HIPK2: variants seen among roughly 807,000 people sequenced by gnomAD.
The protein encoded by HIPK2 is homeodomain-interacting protein kinase 2.
HIPK2 carries 27 observed loss-of-function variants against 113.7 expected under a neutral mutation model. That is an observed-to-expected ratio of 0.24 (90% confidence interval 0.17 to 0.33). The LOEUF (loss-of-function observed/expected upper bound fraction) is 0.33, where lower values mean the gene tolerates loss of function less well. HIPK2 is among the 10% of genes least tolerant of loss of function. The pLI, the probability that HIPK2 is intolerant of heterozygous loss-of-function variation, is 1.00. For synonymous variants in HIPK2, 631 were observed against 642.2 expected, an observed-to-expected ratio of 0.98 and a Z score of 0.26; for missense variants, 1,257 against 1,588.0, an observed-to-expected ratio of 0.79 and a Z score of 3.54.
At chr7:139,600,368 C>A in intron 11 of HIPK2, 49 bp downstream of exon 11, 1 of 1,584,768 alleles carries the variant, frequency 6.3e-7, no homozygotes, top group Non-Finnish European at 8.6e-7. Flanking sequence ...TTCTTTAGCA[C>A]TCACATCCCC....
chr7:139,690,828 T>C (rs969216893), intron 2 of HIPK2, among the ~76,000 whole-genome samples: 3 of 152,180 alleles, frequency 2.0e-5, no homozygotes, highest in Non-Finnish European at 4.4e-5. Context: ...ATGACCAATC[T>C]TGAACTTTTG....
intron 2 of HIPK2, among the ~76,000 whole-genome samples, chr7:139,695,485 T>C (rs1034757892): frequency 1.8e-4 from 28 of 152,162 alleles, no homozygotes; most frequent in South Asian, 4.1e-4. Flanking sequence ...CAATGCTACA[T>C]GGGAAGGAAA....
intron 1 of HIPK2, 40 bp from the exon 2 acceptor site, chr7:139,717,055 C>T: frequency 2.5e-6 from 4 of 1,570,610 alleles, no homozygotes; most frequent in South Asian, 1.2e-5. Flanking sequence ...ATCGGAGTCA[C>T]CTTGGTACAA....
intron 2 of HIPK2, among the ~76,000 whole-genome samples, chr7:139,699,077 A>G (rs1435509889): frequency 1.3e-5 from 2 of 152,012 alleles, no homozygotes; most frequent in Middle Eastern, 3.2e-3. Flanking sequence ...GATCCGAACA[A>G]CCTGCTTGAC....
At chr7:139,687,501 T>C (rs888944190) in intron 2 of HIPK2, among the ~76,000 whole-genome samples, 13 of 152,210 alleles carry the variant, frequency 8.5e-5, no homozygotes, top group South Asian at 4.1e-4. Flanking sequence ...ATAGAATACA[T>C]TGGTGAAGAA....
chr7:139,767,239 A>G (rs1371816231), intron 1 of HIPK2, among the ~76,000 whole-genome samples: 1 of 152,238 alleles, frequency 6.6e-6, no homozygotes, highest in Non-Finnish European at 1.5e-5. Flanking sequence ...TGGGGGTGAA[A>G]CCCAGCAATC....
rs897427766 is a variant in HIPK2, at chr7:139,777,615, G to C, written c.9C>G (p.Pro3=). The C allele has an allele frequency of 1.4e-5, 15 of 1,073,966 alleles. No homozygotes were observed. The highest frequency in any genetic ancestry group is 5.4e-5 in the Admixed American group (1 of 18,478). The allele number at this position is 1,073,966 out of a possible 1,614,324, so 66.5% of individuals were successfully genotyped here. The change falls in exon 1 of 15, where the codon CCC becomes CCG. Residue 3 remains proline (P), a synonymous_variant. Coordinates refer to ENST00000406875, the MANE Select transcript of HIPK2 (RefSeq NM_022740.5). ...CCGGGCGCCCCTTACCTTCGTACAC[G>C]GGGGCCATCGGGGCCGGGGTGTCCG... The part of the protein sequence containing the change: MA[P]VYEGMASHVQ...
chr7:139,757,769 A>G (rs1205924903), intron 1 of HIPK2, among the ~76,000 whole-genome samples: 2 of 152,320 alleles, frequency 1.3e-5, no homozygotes, highest in African/African-American at 4.8e-5. Context: ...GTAAAATTAG[A>G]TAGTAGTGAT....
chr7:139,625,204 T>C (rs985684043), intron 6 of HIPK2, among the ~76,000 whole-genome samples: 2 of 152,202 alleles, frequency 1.3e-5, no homozygotes, highest in Non-Finnish European at 2.9e-5. Flanking sequence ...CACCCCTCTA[T>C]TTCTTCTCTT....
At chr7:139,751,362 A>C (rs1208457803) in intron 1 of HIPK2, among the ~76,000 whole-genome samples, 1 of 151,342 alleles carries the variant, frequency 6.6e-6, no homozygotes, top group African/African-American at 2.4e-5. Flanking sequence ...ACCACCTTCC[A>C]CCTCCCCTTT....
chr7:139,573,610 G>A (rs1048233678), intron 14 of HIPK2, among the ~76,000 whole-genome samples: 26 of 152,190 alleles, frequency 1.7e-4, no homozygotes, highest in Non-Finnish European at 3.7e-4. Flanking sequence ...GGGAGGCAGA[G>A]GTGGGCGGAT....
intron 10 of HIPK2, 165 bp from the exon 11 acceptor site, chr7:139,600,761 G>A: frequency 3.7e-6 from 1 of 268,482 alleles, no homozygotes; most frequent in Non-Finnish European, 5.7e-6. Flanking sequence ...TCAACGGGTG[G>A]GTTTCTTCTA....
rs371199927 is a variant in HIPK2, at chr7:139,565,704, CTTT to C, written c.*7220_*7222del. On this transcript the variant is annotated 3_prime_UTR_variant, in exon 15 of 15. Coordinates refer to ENST00000406875, the MANE Select transcript of HIPK2 (RefSeq NM_022740.5). Reference sequence around the variant, plus strand: ...TCTTGTCTTTCTTCCACCTCTACTTCTTTTTTTTTTTCTTTTTTTTTTCTTTTT... The same window carrying C: ...TCTTGTCTTTCTTCCACCTCTACTTCTTTTTTTTCTTTTTTTTTTCTTTTT... The C allele has an allele frequency of 7.0e-6, 1 of 142,536 alleles. No individual in the cohort carries two copies. The highest frequency in any genetic ancestry group is 1.5e-5 in the Non-Finnish European group (1 of 65,098). The allele number at this position is 142,536 out of a possible 1,614,324, so 8.8% of individuals were successfully genotyped here. A position where few individuals can be genotyped will look rare whatever the true frequency, so the allele number is the denominator to read the frequency against.
intron 12 of HIPK2, among the ~76,000 whole-genome samples, chr7:139,593,836 C>G (rs993959493): frequency 6.6e-6 from 1 of 152,186 alleles, no homozygotes; most frequent in Admixed American, 6.5e-5. Flanking sequence ...ATCGCTCCAG[C>G]TGGGACACAG....
At chr7:139,665,721 C>A (rs989614251) in intron 2 of HIPK2, among the ~76,000 whole-genome samples, 1 of 152,184 alleles carries the variant, frequency 6.6e-6, no homozygotes, top group Non-Finnish European at 1.5e-5. Context: ...AGTGCCTGGG[C>A]CTTCACTTTT....
intron 10 of HIPK2, 50 bp from the exon 11 acceptor site, chr7:139,600,646 G>A: frequency 6.3e-7 from 1 of 1,582,750 alleles, no homozygotes; most frequent in Non-Finnish European, 8.6e-7. Flanking sequence ...TCTAAAAGTA[G>A]AGCTCCTCTA....
At chr7:139,606,788 T>A (rs1302883453) in intron 9 of HIPK2, among the ~76,000 whole-genome samples, 1 of 152,186 alleles carries the variant, frequency 6.6e-6, no homozygotes, top group South Asian at 2.1e-4. Context: ...GAAGCCCACA[T>A]TCAATAGTCT....
chr7:139,577,314 A>G (rs1798526358), intron 13 of HIPK2, among the ~76,000 whole-genome samples: 1 of 151,924 alleles, frequency 6.6e-6, no homozygotes, highest in African/African-American at 2.4e-5. Flanking sequence ...ACGCCTGGCT[A>G]ACTTTTTTGT....
At chr7:139,731,440 T>C (rs572705781) in intron 1 of HIPK2, among the ~76,000 whole-genome samples, 52 of 152,350 alleles carry the variant, frequency 3.4e-4, no homozygotes, top group Middle Eastern at 3.4e-3. Flanking sequence ...TCTGTTCTCA[T>C]CAGTGACGTC....
Sources: allele counts gnomAD v4.1 joint callset (sites outside exome capture counted in the v4.1 genomes callset), GRCh38; gene constraint gnomAD v4.1.1; transcripts MANE v1.5; gene names NCBI Gene and HGNC (gene_info 2026-07-23, HGNC 2026-07-21).